The following CFAP299 variants were observed in gnomAD, a reference collection of about 807,000 sequenced individuals.
CFAP299 encodes cilia- and flagella-associated protein 299.
In CFAP299, 21 loss-of-function variants were observed where a neutral mutation model predicts 27.0. The ratio of observed to expected loss-of-function variants is 0.78; its 90% CI spans 0.55 to 1.12. CFAP299 has a LOEUF of 1.12. CFAP299 is among the 50% of genes most tolerant of loss of function. CFAP299 has a pLI of 0.00. For missense variants in CFAP299, 310 were observed against 276.6 expected, an observed-to-expected ratio of 1.12 and a Z score of -0.86; for synonymous variants, 104 against 98.1, an observed-to-expected ratio of 1.06 and a Z score of -0.36.
At chr4:80,547,252 G>C (rs1734279781) in intron 2 of CFAP299, among the ~76,000 whole-genome samples, 1 of 151,948 alleles carries the variant, frequency 6.6e-6, no homozygotes. Flanking sequence ...ATATTTGACA[G>C]AGTCAACAAT....
At position 80,384,829 on chromosome 4, in the gene CFAP299, T is replaced by C. The variant is rs149995445; in HGVS notation, c.242+21945T>C. ...TTAAGTCAATGTCCTCCTCATTCTA[T>C]AGCATTATTACCATGAGTCCCTGCT... is the stretch of plus-strand genomic sequence containing the variant. On this transcript the variant is annotated intron_variant, in intron 2 of 5. Coordinates refer to ENST00000358105, the MANE Select transcript of CFAP299 (RefSeq NM_152770.3). 1.5e-4 allele frequency among the ~76,000 whole-genome samples: 23 copies of C among 152,336 alleles called. No homozygotes were observed. The East Asian group carries it at 4.2e-3, about 28-fold the overall frequency.
At chr4:80,862,333 G>A (rs1000879919) in intron 3 of CFAP299, among the ~76,000 whole-genome samples, 5 of 152,064 alleles carry the variant, frequency 3.3e-5, no homozygotes, top group Non-Finnish European at 7.4e-5. Context: ...TCGTGCCACT[G>A]CACTCCAGTC....
chr4:80,833,041 A>G (rs943601175), intron 3 of CFAP299, among the ~76,000 whole-genome samples: 1 of 152,094 alleles, frequency 6.6e-6, no homozygotes. Context: ...AACTGAAAGT[A>G]TTACGTTTTG....
intron 2 of CFAP299, among the ~76,000 whole-genome samples, chr4:80,442,515 A>G (rs1285610521): frequency 2.0e-5 from 3 of 152,252 alleles, no homozygotes; most frequent in Admixed American, 1.3e-4. Flanking sequence ...AAATGAGAAA[A>G]AAGACACAAC....
chr4:80,612,335 TA>T (rs530273480), intron 3 of CFAP299, among the ~76,000 whole-genome samples: 1 of 151,988 alleles, frequency 6.6e-6, no homozygotes, highest in East Asian at 1.9e-4. Flanking sequence ...GTCACTAAAC[TA>T]AAAAAAATTA....
intron 3 of CFAP299, among the ~76,000 whole-genome samples, chr4:80,613,775 C>T (rs1463568946): frequency 6.6e-6 from 1 of 152,186 alleles, no homozygotes; most frequent in East Asian, 1.9e-4. Context: ...TCCCTGTGCA[C>T]TTTAAGATGG....
chr4:80,557,326 T>C (rs1734827341), intron 2 of CFAP299, among the ~76,000 whole-genome samples: 1 of 152,130 alleles, frequency 6.6e-6, no homozygotes, highest in Non-Finnish European at 1.5e-5. Flanking sequence ...TTCATTTTGA[T>C]AATCACCTTC....
chr4:80,592,479 G>C (rs1399085768), intron 3 of CFAP299, among the ~76,000 whole-genome samples: 2 of 152,106 alleles, frequency 1.3e-5, no homozygotes, highest in Non-Finnish European at 2.9e-5. Flanking sequence ...AAAATAATTT[G>C]CTATGTGAAA....
At chr4:80,738,284 GTT>G (rs1724034047) in intron 3 of CFAP299, among the ~76,000 whole-genome samples, 1 of 152,072 alleles carries the variant, frequency 6.6e-6, no homozygotes, top group African/African-American at 2.4e-5. Flanking sequence ...ATGTTTCTTT[GTT>G]GATTTTCTGT....
intron 2 of CFAP299, among the ~76,000 whole-genome samples, chr4:80,375,984 T>A (rs549746227): frequency 1.3e-5 from 2 of 152,356 alleles, no homozygotes; most frequent in East Asian, 3.9e-4. Flanking sequence ...TTAAAGTGTG[T>A]AATTCAATGA....
chr4:80,638,279 G>A (rs1193802831), intron 3 of CFAP299, among the ~76,000 whole-genome samples: 2 of 152,096 alleles, frequency 1.3e-5, no homozygotes, highest in Non-Finnish European at 2.9e-5. Context: ...GGTGTGGAAG[G>A]GAGCTAATTT....
At chr4:80,729,139 G>A (rs375848825) in intron 3 of CFAP299, among the ~76,000 whole-genome samples, 13 of 152,194 alleles carry the variant, frequency 8.5e-5, no homozygotes, top group South Asian at 2.1e-4. Flanking sequence ...AGTCATCCAC[G>A]CAATTGAGGC....
intron 3 of CFAP299, among the ~76,000 whole-genome samples, chr4:80,721,906 G>A (rs1473383254): frequency 2.0e-5 from 3 of 151,940 alleles, no homozygotes; most frequent in Admixed American, 6.6e-5. Context: ...TCAAACCTAC[G>A]AAATTAAAAT....
At chr4:80,820,704 C>T (rs545302523) in intron 3 of CFAP299, among the ~76,000 whole-genome samples, 15 of 152,228 alleles carry the variant, frequency 9.9e-5, no homozygotes, top group African/African-American at 3.6e-4. Context: ...GGTGGGCAGA[C>T]AGGGGCTAAA....
intron 2 of CFAP299, among the ~76,000 whole-genome samples, chr4:80,523,054 G>C (rs1237054104): frequency 1.3e-5 from 2 of 152,034 alleles, no homozygotes; most frequent in African/African-American, 4.8e-5. Context: ...ATTTTGATAG[G>C]AATTGCATTT....
intron 2 of CFAP299, among the ~76,000 whole-genome samples, chr4:80,548,646 G>A (rs1734357156): frequency 6.6e-6 from 1 of 152,106 alleles, no homozygotes; most frequent in Non-Finnish European, 1.5e-5. Flanking sequence ...TCTTATTCCA[G>A]TGAGGTTACT....
rs1345199090 is a variant in CFAP299 at position 80,663,027 on chromosome 4, AAAC to A, written c.333+79849_333+79851del. On this transcript the variant is annotated intron_variant, in intron 3 of 5. Coordinates refer to ENST00000358105, the MANE Select transcript of CFAP299 (RefSeq NM_152770.3). Reference sequence around the variant, plus strand: ...TCTCAGGCTGTTAAAGGAAAAAAAAAAACAACACATCAATGCTTATTCCTTATT... The same window carrying A: ...TCTCAGGCTGTTAAAGGAAAAAAAAAAACACATCAATGCTTATTCCTTATT... 3.3e-5 allele frequency among the ~76,000 whole-genome samples: 5 copies of A among 152,122 alleles called. No homozygotes were observed. In the East Asian group the frequency reaches 7.7e-4, roughly 23 times the overall value.
At chr4:80,514,044 A>AGCCT (rs1184144784) in intron 2 of CFAP299, among the ~76,000 whole-genome samples, 4 of 152,040 alleles carry the variant, frequency 2.6e-5, no homozygotes, top group African/African-American at 9.7e-5. Flanking sequence ...TACAGTTGAA[A>AGCCT]GCCTATCAGT....
chr4:80,447,130 G>T (rs13122504), intron 2 of CFAP299, among the ~76,000 whole-genome samples: 69,636 of 105,064 alleles, frequency 0.66, 22,135 homozygotes, highest in East Asian at 0.81. Context: ...TTTTTTTTTT[G>T]TTTTTTTTTT....
Sources: gnomAD v4.1 joint callset for allele counts (sites outside exome capture counted in the v4.1 genomes callset) on GRCh38, gnomAD v4.1.1 for gene constraint, MANE v1.5 for transcripts, NCBI Gene and HGNC (gene_info 2026-07-23, HGNC 2026-07-21) for gene names.